The following GNAO1 variants were observed in gnomAD, a reference collection of about 807,000 sequenced individuals.
The protein encoded by GNAO1 is guanine nucleotide-binding protein G(o) subunit alpha.
For synonymous variants in GNAO1, 164 were observed against 180.7 expected, an observed-to-expected ratio of 0.91 and a Z score of 0.74; for missense variants, 166 against 478.7, an observed-to-expected ratio of 0.35 and a Z score of 6.10.
chr16:56,271,712 G>A (rs1468966801), intron 2 of GNAO1, among the ~76,000 whole-genome samples: 1 of 152,104 alleles, frequency 6.6e-6, no homozygotes, highest in East Asian at 1.9e-4. Flanking sequence ...CTCAGCCTCC[G>A]AAAGTGCTGG....
chr16:56,352,586 C>T (rs1375841770), intron 7 of GNAO1: 1 of 152,262 alleles, frequency 6.6e-6, no homozygotes, highest in Non-Finnish European at 1.5e-5. Flanking sequence ...TGGGCATGGG[C>T]TCAGTCTCAG....
At chr16:56,345,954 C>T (rs903319873) in intron 6 of GNAO1, 3 of 985,454 alleles carry the variant, frequency 3.0e-6, no homozygotes, top group African/African-American at 3.5e-5. Context: ...CAGCAGCCGC[C>T]CTCAGAACAC....
chr16:56,266,777 G>A (rs565666284), intron 2 of GNAO1, among the ~76,000 whole-genome samples: 1 of 152,290 alleles, frequency 6.6e-6, no homozygotes, highest in African/African-American at 2.4e-5. Context: ...GACTCAGGGA[G>A]GTTGAGAACT....
intron 6 of GNAO1, chr16:56,344,183 C>T: frequency 7.0e-7 from 1 of 1,423,908 alleles, no homozygotes; most frequent in Non-Finnish European, 9.1e-7. Context: ...CAGGAGACTC[C>T]ACGCTCACAG....
rs192297524 is a variant in GNAO1, at chr16:56,299,483, C to T, written c.303+23411C>T. Among the ~76,000 whole-genome samples the T allele has an allele frequency of 4.6e-3, 695 of 152,356 alleles. 3 individuals are homozygous for T. Among genetic ancestry groups the T allele is most frequent in the Non-Finnish European group, 8.1e-3 (553 of 68,026 alleles). ...CTGCCAAGGCTTCACTGTGCTTCCT[C>T]ACCCTTGCCCCAGCCCCACCCAGCC... On this transcript the variant is annotated intron_variant, in intron 3 of 8. Transcript: ENST00000262493.
chr16:56,253,101 A>G (rs1342795132), intron 2 of GNAO1, among the ~76,000 whole-genome samples: 1 of 152,304 alleles, frequency 6.6e-6, no homozygotes, highest in Admixed American at 6.5e-5. Context: ...TCTGGAGCCA[A>G]GCATTTGAGC....
intron 4 of GNAO1, among the ~76,000 whole-genome samples, chr16:56,331,978 C>T (rs1276826133): frequency 3.3e-5 from 5 of 152,170 alleles, no homozygotes; most frequent in Admixed American, 3.3e-4. Context: ...TACTTCTGCT[C>T]GTCCTCCTGT....
rs550956165 is a variant in GNAO1 at position 56,354,054 on chromosome 16, A to C, written c.878-812A>C. Among the ~76,000 whole-genome samples the C allele has an allele frequency of 4.9e-4, 75 of 152,240 alleles. No homozygotes were observed. The highest frequency in any genetic ancestry group is 1.1e-3 in the Non-Finnish European group (74 of 68,032). On this transcript the variant is annotated intron_variant, in intron 7 of 8. Transcript: ENST00000262493. This position sits in a 1 kb window ranked among gnomAD's most constrained non-coding sequence, Gnocchi z 4.3. Reference sequence around the variant, plus strand: ...TAATGATATGCTGCCAGCCCTGCCAAGTGGCCTCTTCTTAAAGGAAACCAA... The same window carrying C: ...TAATGATATGCTGCCAGCCCTGCCACGTGGCCTCTTCTTAAAGGAAACCAA...
intron 3 of GNAO1, among the ~76,000 whole-genome samples, chr16:56,289,902 CT>C (rs1390025562): frequency 6.6e-5 from 10 of 152,230 alleles, no homozygotes; most frequent in Non-Finnish European, 1.5e-4. Flanking sequence ...CAGCTTCCCA[CT>C]GCCTCTCTTG....
chr16:56,274,499 G>T (rs1439723605), intron 2 of GNAO1, among the ~76,000 whole-genome samples: 4 of 151,936 alleles, frequency 2.6e-5, no homozygotes, highest in Non-Finnish European at 5.9e-5. Flanking sequence ...AGTGGAATTT[G>T]CAGCAGGAAT....
intron 3 of GNAO1, chr16:56,308,135 A>C (rs2037416098): frequency 6.6e-6 from 1 of 152,254 alleles, no homozygotes; most frequent in Non-Finnish European, 1.5e-5. Flanking sequence ...TGGGGTCCCC[A>C]GCCTGTGTCA....
At chr16:56,261,397 G>A (rs2143483903) in intron 2 of GNAO1, among the ~76,000 whole-genome samples, 1 of 152,358 alleles carries the variant, frequency 6.6e-6, no homozygotes, top group East Asian at 1.9e-4. Context: ...CTGCACTGGA[G>A]AATGAGGGAT....
intron 7 of GNAO1, chr16:56,352,885 G>A (rs2037937659): frequency 6.6e-6 from 1 of 152,388 alleles, no homozygotes; most frequent in African/African-American, 2.4e-5. Flanking sequence ...TCTGGAGCCA[G>A]ACCACCTGCA....
chr16:56,284,021 C>T (rs1305810837), intron 3 of GNAO1, among the ~76,000 whole-genome samples: 4 of 152,228 alleles, frequency 2.6e-5, no homozygotes, highest in Admixed American at 6.5e-5. Flanking sequence ...GTCCTCTTTC[C>T]ATCTCAGCAG....
In GNAO1 at chr16:56,346,148, T is replaced by G. The variant is rs764400758; in HGVS notation, c.724-5236T>G. The G allele has an allele frequency of 4.2e-5, 41 of 985,300 alleles. 1 individual carries two copies. The East Asian group carries it at 4.3e-3, about 104-fold the overall frequency. The allele number at this position is 985,300 out of a possible 1,614,324, so 61.0% of individuals were successfully genotyped here. ...TGCTCTCAATCCTCCCACCCTAGCCTGGGGGTGGTCCTTGGTCCTCAGGGG... is the reference window on the plus strand; with the variant it reads ...TGCTCTCAATCCTCCCACCCTAGCCGGGGGGTGGTCCTTGGTCCTCAGGGG... On this transcript the variant is annotated intron_variant, in intron 6 of 8. Transcript: ENST00000262493.
intron 5 of GNAO1, among the ~76,000 whole-genome samples, 167 bp downstream of exon 5, chr16:56,335,024 G>A (rs902099813): frequency 6.6e-6 from 1 of 152,268 alleles, no homozygotes; most frequent in South Asian, 2.1e-4. Context: ...TTTCTGCCAA[G>A]GTTAGGGGCT....
rs148497109 is a variant in GNAO1 at position 56,270,419 on chromosome 16, GAC to G, written c.162-5486_162-5485del. 2.4e-3 allele frequency: 352 copies of G among 145,312 alleles called. 1 individual carries two copies. Among genetic ancestry groups the G allele is most frequent in the Middle Eastern group, 0.014 (4 of 278 alleles). 9.0% of individuals were successfully genotyped at this position (145,312 alleles called of 1,614,324 possible). On this transcript the variant is annotated intron_variant, in intron 2 of 8. Coordinates refer to ENST00000262493, the MANE Select transcript of GNAO1 (RefSeq NM_020988.3). Reference sequence around the variant, plus strand: ...AAGAAATCTAGTAGGTCCCCACCCTGACACACACACACACACACACACACACA... The same window carrying G: ...AAGAAATCTAGTAGGTCCCCACCCTGACACACACACACACACACACACACA...
At chr16:56,263,355 T>A (rs1290176686) in intron 2 of GNAO1, among the ~76,000 whole-genome samples, 1 of 152,202 alleles carries the variant, frequency 6.6e-6, no homozygotes, top group Non-Finnish European at 1.5e-5. Flanking sequence ...GATTGATCAT[T>A]CGCCATGTAC....
At chr16:56,268,633 T>TA (rs1338466670) in intron 2 of GNAO1, among the ~76,000 whole-genome samples, 10 of 152,168 alleles carry the variant, frequency 6.6e-5, no homozygotes, top group African/African-American at 2.4e-4. Context: ...GAAGAAAGTT[T>TA]AAAAAAATCA....
Sources: gnomAD v4.1 joint callset for allele counts (sites outside exome capture counted in the v4.1 genomes callset) on GRCh38, gnomAD v4.1.1 for gene constraint, Gnocchi (gnomAD v3.1) non-coding constraint, MANE v1.5 for transcripts, NCBI Gene and HGNC (gene_info 2026-07-23, HGNC 2026-07-21) for gene names.